DPY19L2: variants seen among roughly 807,000 people sequenced by gnomAD.
The protein encoded by DPY19L2 is dpy-19 like 2, also known as probable C-mannosyltransferase DPY19L2.
DPY19L2 carries 34 observed loss-of-function variants against 97.9 expected under a neutral mutation model. That is an observed-to-expected ratio of 0.35 (90% CI 0.26 to 0.46). The LOEUF (loss-of-function observed/expected upper bound fraction) is 0.46. Ranked by LOEUF, DPY19L2 falls within the 20% of genes least tolerant of loss-of-function variation. The pLI is 1.00. For synonymous variants in DPY19L2, 230 were observed against 307.9 expected, an observed-to-expected ratio of 0.75 and a Z score of 2.65; for missense variants, 623 against 911.4, an observed-to-expected ratio of 0.68 and a Z score of 4.07.
chr12:63,605,783 G>C (rs1245325561), intron 12 of DPY19L2, among the ~76,000 whole-genome samples: 1 of 152,160 alleles, frequency 6.6e-6, no homozygotes, highest in Non-Finnish European at 1.5e-5. Flanking sequence ...GCCTGGAACT[G>C]ATATTTGTGT....
At chr12:63,628,078 G>A (rs1889878240) in intron 6 of DPY19L2, among the ~76,000 whole-genome samples, 1 of 152,114 alleles carries the variant, frequency 6.6e-6, no homozygotes, top group African/African-American at 2.4e-5. Context: ...AGATGAGTTG[G>A]TGAGGGGTGG....
chr12:63,629,411 T>A (rs936914704), intron 6 of DPY19L2, among the ~76,000 whole-genome samples: 1 of 151,944 alleles, frequency 6.6e-6, no homozygotes, highest in Non-Finnish European at 1.5e-5. Context: ...GAGAACTACA[T>A]GACGAATGCA....
intron 21 of DPY19L2, among the ~76,000 whole-genome samples, chr12:63,563,980 G>T (rs11831263): frequency 0.051 from 7,791 of 152,022 alleles, 231 homozygotes; most frequent in African/African-American, 0.072. Flanking sequence ...CTTTGATTTT[G>T]CATCTTTCAA....
At chr12:63,618,509 G>A (rs1275466766) in intron 9 of DPY19L2, among the ~76,000 whole-genome samples, 1 of 152,032 alleles carries the variant, frequency 6.6e-6, no homozygotes, top group Non-Finnish European at 1.5e-5. Flanking sequence ...TGACATTTTA[G>A]GCCACTTTTC....
Position 63,595,968 on chromosome 12 carries a change from T to G in DPY19L2, c.1531A>C (p.Lys511Gln). 6.3e-7 allele frequency: 1 copy of G among 1,580,640 alleles called. No homozygotes were observed. The highest frequency in any genetic ancestry group is 8.6e-7 in the Non-Finnish European group (1 of 1,162,162). ...AATAATAATTTGTTTAAAAATACCT[T>G]TTTAAAGATAAAACATGTAATCACC... ...VMVITCFIFK[K>Q]TVRDISYVLA... Residue 511 changes from lysine to glutamine, a missense_variant and splice_region_variant, in exon 15 of 22, where the codon AAG becomes CAG. Physicochemically the swap from Lys to Gln is moderately conservative, Grantham distance 53 (BLOSUM62 1). Transcript: ENST00000324472.
chr12:63,630,582 C>G (rs1890428489), intron 6 of DPY19L2, among the ~76,000 whole-genome samples: 1 of 151,992 alleles, frequency 6.6e-6, no homozygotes, highest in Non-Finnish European at 1.5e-5. Flanking sequence ...CCTGAGTGAC[C>G]TACAAAGAGA....
intron 6 of DPY19L2, among the ~76,000 whole-genome samples, chr12:63,630,721 T>C (rs1260400102): frequency 3.3e-5 from 5 of 152,034 alleles, no homozygotes; most frequent in African/African-American, 1.2e-4. Context: ...GCGCACCTAA[T>C]AGACATCTAC....
intron 21 of DPY19L2, among the ~76,000 whole-genome samples, chr12:63,564,806 ATTAT>A (rs1877327895): frequency 6.6e-6 from 1 of 152,022 alleles, no homozygotes; most frequent in Admixed American, 6.6e-5. Context: ...TGTTCTACAA[ATTAT>A]TTAGAGAAGG....
At chr12:63,631,391 G>A (rs879073090) in intron 6 of DPY19L2, among the ~76,000 whole-genome samples, 6 of 152,170 alleles carry the variant, frequency 3.9e-5, no homozygotes, top group African/African-American at 1.2e-4. Flanking sequence ...TATCACCACC[G>A]ATCACTCAGA....
At position 63,594,491 on chromosome 12, in the gene DPY19L2, G is replaced by GTGTGTGTGTGTGTA. The variant is rs58963302; in HGVS notation, c.1534-359_1534-358insTACACACACACACA. Reference sequence around the variant, plus strand: ...TGTGTGTGTGTGTGTGTGTGTGTGTGTATGAAACTTGGCCGGCTACAGGGA... The same window carrying GTGTGTGTGTGTGTA: ...TGTGTGTGTGTGTGTGTGTGTGTGTGTGTGTGTGTGTGTATATGAAACTTGGCCGGCTACAGGGA... On this transcript the variant is annotated intron_variant, in intron 15 of 21. Coordinates refer to ENST00000324472, the MANE Select transcript of DPY19L2 (RefSeq NM_173812.5). Among the ~76,000 whole-genome samples the GTGTGTGTGTGTGTA allele has an allele frequency of 5.1e-3, 743 of 144,600 alleles. 13 individuals are homozygous for GTGTGTGTGTGTGTA. Among genetic ancestry groups the GTGTGTGTGTGTGTA allele is most frequent in the African/African-American group, 0.019 (707 of 37,098 alleles). The allele number at this position is 144,600 out of a possible 152,430, so 94.9% of individuals were successfully genotyped here.
intron 6 of DPY19L2, among the ~76,000 whole-genome samples, chr12:63,642,676 G>T (rs1397068212): frequency 2.6e-5 from 4 of 152,032 alleles, no homozygotes; most frequent in African/African-American, 9.6e-5. Context: ...CTATTGCTGT[G>T]CCAATATCAT....
chr12:63,657,880 A>T (rs1457615894), intron 4 of DPY19L2, among the ~76,000 whole-genome samples: 1 of 152,166 alleles, frequency 6.6e-6, no homozygotes, highest in Non-Finnish European at 1.5e-5. Context: ...ACCAGCTTAT[A>T]TGGCATTCAA....
At chr12:63,598,228 T>C (rs1403997900) in intron 13 of DPY19L2, among the ~76,000 whole-genome samples, 1 of 152,138 alleles carries the variant, frequency 6.6e-6, no homozygotes, top group Non-Finnish European at 1.5e-5. Flanking sequence ...TTAATTACAT[T>C]TTATAATAAG....
At chr12:63,633,907 T>C (rs1891164353) in intron 6 of DPY19L2, among the ~76,000 whole-genome samples, 1 of 152,146 alleles carries the variant, frequency 6.6e-6, no homozygotes, top group African/African-American at 2.4e-5. Flanking sequence ...GTTCACATCC[T>C]TTGTAGGGAC....
chr12:63,564,874 T>C (rs1323394302), intron 21 of DPY19L2, among the ~76,000 whole-genome samples: 1 of 152,142 alleles, frequency 6.6e-6, no homozygotes, highest in Non-Finnish European at 1.5e-5. Flanking sequence ...TAAAGTTCTA[T>C]CAGTTGTATT....
chr12:63,580,975 C>A (rs1271392064), intron 18 of DPY19L2, 139 bp from the exon 19 acceptor site: 3 of 887,602 alleles, frequency 3.4e-6, no homozygotes, highest in Non-Finnish European at 4.9e-6. Context: ...ATTATCATCT[C>A]CGATTGTTTC....
At chr12:63,571,514 G>A (rs1011840766) in intron 19 of DPY19L2, among the ~76,000 whole-genome samples, 2 of 152,120 alleles carry the variant, frequency 1.3e-5, no homozygotes. Context: ...GAAATGCCAG[G>A]AGCTGAGAGA....
At chr12:63,592,122 A>C (rs1203541955) in intron 16 of DPY19L2, among the ~76,000 whole-genome samples, 2 of 147,266 alleles carry the variant, frequency 1.4e-5, no homozygotes, top group Non-Finnish European at 3.0e-5. Flanking sequence ...GAGAAGAGGA[A>C]AGACAAGACA....
At chr12:63,602,846 C>G (rs1299975249) in intron 12 of DPY19L2, among the ~76,000 whole-genome samples, 1 of 152,040 alleles carries the variant, frequency 6.6e-6, no homozygotes, top group Non-Finnish European at 1.5e-5. Context: ...AAATATGCAA[C>G]AATTGAGGAA....
Sources: gnomAD v4.1 joint callset for allele counts (sites outside exome capture counted in the v4.1 genomes callset) on GRCh38, gnomAD v4.1.1 for gene constraint, MANE v1.5 for transcripts, NCBI Gene and HGNC (gene_info 2026-07-23, HGNC 2026-07-21) for gene names.